The following SLC44A5 variants were observed in gnomAD, a reference collection of about 807,000 sequenced individuals.
The protein encoded by SLC44A5 is solute carrier family 44 member 5, also known as choline transporter-like protein 5.
In SLC44A5, 57 loss-of-function variants were observed where a neutral mutation model predicts 101.8. That is an observed-to-expected ratio of 0.56 (90% CI 0.45 to 0.70). SLC44A5 has a LOEUF of 0.70. Among genes scored for constraint, SLC44A5 ranks in the 30% least tolerant of loss-of-function variants. SLC44A5 has a pLI of 0.00. For missense variants in SLC44A5, 737 were observed against 853.1 expected (o/e 0.86, Z 1.70); for synonymous variants, 281 against 290.9 (o/e 0.97, Z 0.35).
intron 1 of SLC44A5, among the ~76,000 whole-genome samples, chr1:75,570,746 C>T (rs1403566842): frequency 6.6e-6 from 1 of 152,106 alleles, no homozygotes; most frequent in East Asian, 1.9e-4. Context: ...CCTTTCCCAC[C>T]CCTGGAAGTA....
the SLC44A5 span, among the ~76,000 whole-genome samples, chr1:75,705,247 CACA>C: frequency 1.3e-5 from 2 of 152,180 alleles, no homozygotes; most frequent in African/African-American, 4.8e-5. Context: ...GTGATCAACA[CACA>C]ACACCTTTTT....
rs561566195 is a variant in SLC44A5 at position 75,323,614 on chromosome 1, T to C, written c.101+15968A>G. 1.1e-4 allele frequency among the ~76,000 whole-genome samples: 16 copies of C among 152,344 alleles called. No individual in the cohort carries two copies. In the South Asian group the frequency reaches 3.3e-3, roughly 32 times the overall value. The stretch of plus-strand genomic sequence containing the variant: ...ATTCTTTGCAAAGTAAATGAATCAT[T>C]ATTATAATTCTATTTCAACAAAAGT... On this transcript the variant is annotated intron_variant, in intron 4 of 23. Coordinates refer to ENST00000370859, the MANE Select transcript of SLC44A5 (RefSeq NM_001130058.2).
At chr1:75,682,997 A>AT in the SLC44A5 span, among the ~76,000 whole-genome samples, 1 of 152,180 alleles carries the variant, frequency 6.6e-6, no homozygotes, top group Non-Finnish European at 1.5e-5. Flanking sequence ...CAAAAAACAC[A>AT]TGAAAAAATG....
chr1:75,263,159 A>C (rs1043844748), intron 6 of SLC44A5, among the ~76,000 whole-genome samples: 5 of 152,204 alleles, frequency 3.3e-5, no homozygotes, highest in Admixed American at 3.3e-4. Context: ...GAACTTTGGC[A>C]CAGCAAAAGA....
chr1:75,360,074 A>T (rs1659376761), intron 3 of SLC44A5, among the ~76,000 whole-genome samples: 1 of 152,092 alleles, frequency 6.6e-6, no homozygotes, highest in Non-Finnish European at 1.5e-5. Flanking sequence ...TAAATTTCTT[A>T]TCAGATGTAT....
the SLC44A5 span, among the ~76,000 whole-genome samples, chr1:75,662,999 T>C: frequency 6.6e-6 from 1 of 152,144 alleles, no homozygotes; most frequent in Non-Finnish European, 1.5e-5. Context: ...CAAAGATTAG[T>C]TCCCAAAGTA....
chr1:75,691,692 G>A, the SLC44A5 span, among the ~76,000 whole-genome samples: 1 of 152,228 alleles, frequency 6.6e-6, no homozygotes, highest in Admixed American at 6.5e-5. Flanking sequence ...GAAGATGGGA[G>A]GCTAAGAAAT....
intron 1 of SLC44A5, among the ~76,000 whole-genome samples, chr1:75,588,733 T>C (rs1454788689): frequency 5.3e-5 from 2 of 37,736 alleles, no homozygotes; most frequent in African/African-American, 2.3e-4. Context: ...ACTTACTTCA[T>C]ACTGGTTTTT....
chr1:75,232,378 T>C (rs2100561453), intron 12 of SLC44A5, among the ~76,000 whole-genome samples: 1 of 152,022 alleles, frequency 6.6e-6, no homozygotes, highest in East Asian at 1.9e-4. Context: ...GCCCAGACTC[T>C]CCAGTGGCAA....
chr1:75,477,862 G>A (rs1667533169), intron 2 of SLC44A5, among the ~76,000 whole-genome samples: 1 of 152,030 alleles, frequency 6.6e-6, no homozygotes, highest in African/African-American at 2.4e-5. Context: ...CCCCAATCTA[G>A]CAAGGCAGGC....
chr1:75,576,116 G>A (rs1673346714), intron 1 of SLC44A5, among the ~76,000 whole-genome samples: 1 of 151,602 alleles, frequency 6.6e-6, no homozygotes, highest in Non-Finnish European at 1.5e-5. Flanking sequence ...GTGGGGGCGG[G>A]GAGTGGGAGA....
At chr1:75,402,166 C>T (rs1456215099) in intron 2 of SLC44A5, among the ~76,000 whole-genome samples, 1 of 152,006 alleles carries the variant, frequency 6.6e-6, no homozygotes, top group Non-Finnish European at 1.5e-5. Context: ...TTTGAAAACT[C>T]ATAGCCTGAA....
chr1:75,350,728 A>G (rs1658582930), intron 3 of SLC44A5, among the ~76,000 whole-genome samples: 1 of 151,668 alleles, frequency 6.6e-6, no homozygotes, highest in South Asian at 2.1e-4. Context: ...CCCTGTCTTT[A>G]CTAAAGACAC....
intron 1 of SLC44A5, among the ~76,000 whole-genome samples, chr1:75,595,540 T>C (rs1193421853): frequency 1.3e-5 from 2 of 152,230 alleles, no homozygotes; most frequent in East Asian, 3.9e-4. Context: ...TATCCAGAAA[T>C]AGATTCATGA....
intron 23 of SLC44A5, 129 bp from the exon 24 acceptor site, chr1:75,203,962 T>A: frequency 8.6e-7 from 1 of 1,160,714 alleles, no homozygotes; most frequent in Non-Finnish European, 1.1e-6. Context: ...TTGTTGTTTT[T>A]TAAACAGCAT....
intron 2 of SLC44A5, among the ~76,000 whole-genome samples, chr1:75,477,201 T>C (rs1386567786): frequency 6.6e-6 from 1 of 152,138 alleles, no homozygotes; most frequent in Non-Finnish European, 1.5e-5. Flanking sequence ...GTCCTGTCTG[T>C]TAGAAGGAAA....
At chr1:75,347,437 T>C (rs1023035488) in intron 3 of SLC44A5, among the ~76,000 whole-genome samples, 1 of 152,028 alleles carries the variant, frequency 6.6e-6, no homozygotes, top group Non-Finnish European at 1.5e-5. Flanking sequence ...ACAGGTGGAG[T>C]ATTCTATTAG....
chr1:75,518,649 C>T (rs936975048), intron 2 of SLC44A5, among the ~76,000 whole-genome samples: 7 of 152,146 alleles, frequency 4.6e-5, no homozygotes, highest in Admixed American at 3.9e-4. Flanking sequence ...CATTAGAAGT[C>T]GTTTTAATTT....
chr1:75,459,128 A>G (rs977277646), intron 2 of SLC44A5, among the ~76,000 whole-genome samples: 25 of 152,152 alleles, frequency 1.6e-4, no homozygotes, highest in Admixed American at 7.9e-4. Context: ...AAGGATAGAG[A>G]AAGATAATTT....
Sources: gnomAD v4.1 joint callset for allele counts (sites outside exome capture counted in the v4.1 genomes callset) on GRCh38, gnomAD v4.1.1 for gene constraint, MANE v1.5 for transcripts, NCBI Gene and HGNC (gene_info 2026-07-23, HGNC 2026-07-21) for gene names.